The following ADAMTSL1 variants were observed in gnomAD, a reference collection of about 807,000 sequenced individuals.
The protein encoded by ADAMTSL1 is ADAMTS-like protein 1.
Under a neutral mutation model 201.8 loss-of-function variants are expected in ADAMTSL1, and 126 were observed. That is an observed-to-expected ratio of 0.62 (90% CI 0.54 to 0.72). The LOEUF is 0.72. Among genes scored for constraint, ADAMTSL1 ranks in the 30% least tolerant of loss-of-function variants. The pLI is 0.00. For synonymous variants in ADAMTSL1, 1,121 were observed against 903.4 expected (o/e 1.24, Z -4.32); for missense variants, 2,679 against 2,277.8 (o/e 1.18, Z -3.59).
At chr9:18,236,372 C>T (rs1327707570) in intron 2 of ADAMTSL1, among the ~76,000 whole-genome samples, 1 of 152,214 alleles carries the variant, frequency 6.6e-6, no homozygotes, top group Admixed American at 6.5e-5. Context: ...CCACGCATGG[C>T]CTGTCTGTGG....
Position 18,776,770 on chromosome 9 carries a change from T to C in ADAMTSL1, c.2552-11T>C. On this transcript the variant is annotated splice_polypyrimidine_tract_variant and intron_variant, in intron 18 of 28. Transcript: ENST00000380548. The stretch of plus-strand genomic sequence containing the variant: ...TCTTTCTCTGTCCCTTCGGGTTCGC[T>C]CTCCTTCCAGGGCCCGGGCGGCCAT... 1 of 1,537,912 alleles carries C rather than the reference T, an allele frequency of 6.5e-7. No homozygotes were observed. The highest frequency in any genetic ancestry group is 1.2e-5 in the South Asian group (1 of 82,462).
At chr9:18,175,031 T>C (rs1181544029) in intron 2 of ADAMTSL1, among the ~76,000 whole-genome samples, 1 of 152,210 alleles carries the variant, frequency 6.6e-6, no homozygotes, top group African/African-American at 2.4e-5. Context: ...AGAAAATATC[T>C]GTATCTATAA....
chr9:18,417,442 AT>A (rs1209413061), intron 2 of ADAMTSL1, among the ~76,000 whole-genome samples: 1 of 151,600 alleles, frequency 6.6e-6, no homozygotes, highest in African/African-American at 2.4e-5. Flanking sequence ...TAGAGAAAAA[AT>A]CAATAAAAAT....
intron 1 of ADAMTSL1, among the ~76,000 whole-genome samples, chr9:18,140,385 G>A (rs543835439): frequency 6.6e-6 from 1 of 152,260 alleles, no homozygotes; most frequent in Admixed American, 6.5e-5. Flanking sequence ...AAAGGTGTAT[G>A]GGGCAAAGTC....
intron 1 of ADAMTSL1, among the ~76,000 whole-genome samples, chr9:17,987,170 A>G (rs1818962191): frequency 6.6e-6 from 1 of 152,080 alleles, no homozygotes; most frequent in South Asian, 2.1e-4. Flanking sequence ...AGTGTTTTAC[A>G]TTTAGGAATC....
intron 2 of ADAMTSL1, among the ~76,000 whole-genome samples, chr9:18,464,937 G>A (rs1820946777): frequency 6.6e-6 from 1 of 152,118 alleles, no homozygotes; most frequent in Non-Finnish European, 1.5e-5. Flanking sequence ...AGAAAAGATG[G>A]CATCTCAGAG....
rs577864479 is a variant in ADAMTSL1, at chr9:18,706,158, G to A, written c.1575-589G>A. 6.2e-4 allele frequency among the ~76,000 whole-genome samples: 95 copies of A among 152,290 alleles called. 1 individual carries two copies. Among genetic ancestry groups the A allele is most frequent in the African/African-American group, 2.1e-3 (87 of 41,544 alleles). Reference sequence around the variant, plus strand: ...TCATGAGTTTTCCAGGAAAGGAATGGAGAATTCCTGGAATTGAGGATCCTC... The same window carrying A: ...TCATGAGTTTTCCAGGAAAGGAATGAAGAATTCCTGGAATTGAGGATCCTC... On this transcript the variant is annotated intron_variant, in intron 13 of 28. Transcript: ENST00000380548.
At chr9:18,733,024 C>T (rs1276215940) in intron 15 of ADAMTSL1, among the ~76,000 whole-genome samples, 1 of 152,158 alleles carries the variant, frequency 6.6e-6, no homozygotes, top group Non-Finnish European at 1.5e-5. Context: ...GTGGCAGGTC[C>T]AAACTTGGAA....
chr9:18,803,021 T>A lies in ADAMTSL1; in HGVS notation c.3805+7497T>A, dbSNP rs73644671. Among the ~76,000 whole-genome samples the A allele has an allele frequency of 5.2e-3, 791 of 152,366 alleles. 10 individuals are homozygous for A. Among genetic ancestry groups the A allele is most frequent in the African/African-American group, 0.018 (750 of 41,590 alleles). On this transcript the variant is annotated intron_variant, in intron 20 of 28. Transcript: ENST00000380548. ...TGTCTTCTTTGTTGTGGTGACAACT[T>A]TGGTGATGTAGAAGGTGTATATGGC... is the stretch of plus-strand genomic sequence containing the variant.
chr9:18,742,420 GA>G (rs898723867), intron 15 of ADAMTSL1, among the ~76,000 whole-genome samples: 8 of 152,184 alleles, frequency 5.3e-5, no homozygotes, highest in East Asian at 1.9e-4. Context: ...TAACTAGGGG[GA>G]AAAAAACATT....
Position 18,707,011 on chromosome 9 carries a change from T to G in ADAMTSL1, c.1839T>G (p.Tyr613Ter). The G allele has an allele frequency of 6.2e-7, 1 of 1,613,834 alleles. No homozygotes were observed. The highest frequency in any genetic ancestry group is 8.5e-7 in the Non-Finnish European group (1 of 1,179,856). ...TCGACGAGCTGTATGACTGGGAGTA[T>G]GAGGGGTTCACCAAGTGCTCCGAGT... ...QDFDELYDWE[Y>*]EGFTKCSESC... Residue 613 changes from tyrosine (Y) to a stop codon, truncating the protein, a stop_gained, in exon 14 of 29, where the codon TAT (tyrosine) becomes TAG (stop). Transcript: ENST00000380548. LOFTEE classifies it high-confidence loss of function.
intron 1 of ADAMTSL1, among the ~76,000 whole-genome samples, chr9:17,972,532 A>G (rs1337910006): frequency 6.6e-6 from 1 of 151,924 alleles, no homozygotes; most frequent in Non-Finnish European, 1.5e-5. Flanking sequence ...CATGGTGTCT[A>G]TGTGCCACAT....
intron 3 of ADAMTSL1, among the ~76,000 whole-genome samples, chr9:18,565,777 A>G (rs549898423): frequency 1.3e-5 from 2 of 152,184 alleles, no homozygotes; most frequent in Admixed American, 6.5e-5. Context: ...GGCAGCAACT[A>G]TGTCTGTTTA....
At chr9:18,866,507 A>C (rs138878032) in intron 23 of ADAMTSL1, among the ~76,000 whole-genome samples, 7 of 152,336 alleles carry the variant, frequency 4.6e-5, no homozygotes, top group African/African-American at 1.7e-4. Context: ...TTTGGTTATA[A>C]TTAATTTATT....
At chr9:18,575,342 T>C (rs1303109575) in intron 4 of ADAMTSL1, among the ~76,000 whole-genome samples, 1 of 152,180 alleles carries the variant, frequency 6.6e-6, no homozygotes, top group Non-Finnish European at 1.5e-5. Context: ...TGATGTCATA[T>C]AGGAGTTTGT....
intron 5 of ADAMTSL1, among the ~76,000 whole-genome samples, chr9:18,624,473 T>C (rs1826235095): frequency 1.3e-5 from 2 of 152,356 alleles, no homozygotes; most frequent in African/African-American, 4.8e-5. Flanking sequence ...ATTTCTGGCA[T>C]GTAACTGAAT....
chr9:17,909,206 A>G (rs1825838084), intron 1 of ADAMTSL1, among the ~76,000 whole-genome samples: 1 of 147,218 alleles, frequency 6.8e-6, no homozygotes, highest in Non-Finnish European at 1.5e-5. Context: ...AGTTCATTGT[A>G]GATTCTGGGT....
chr9:18,418,073 C>T (rs1217532811), intron 2 of ADAMTSL1, among the ~76,000 whole-genome samples: 1 of 152,104 alleles, frequency 6.6e-6, no homozygotes, highest in East Asian at 1.9e-4. Context: ...GTGTAATCCA[C>T]CACTTGATAG....
intron 2 of ADAMTSL1, among the ~76,000 whole-genome samples, chr9:18,176,360 G>C (rs1477475600): frequency 6.6e-6 from 1 of 152,082 alleles, no homozygotes; most frequent in South Asian, 2.1e-4. Flanking sequence ...ATAGTAATGG[G>C]AGTATATATC....
Sources: allele counts gnomAD v4.1 joint callset (sites outside exome capture counted in the v4.1 genomes callset), GRCh38; gene constraint gnomAD v4.1.1; transcripts MANE v1.5; gene names NCBI Gene and HGNC (gene_info 2026-07-23, HGNC 2026-07-21).